Variants in LAMA3 observed in about 807,000 individuals in gnomAD.
The protein encoded by LAMA3 is laminin subunit alpha-3.
Under a neutral mutation model 402.0 loss-of-function variants are expected in LAMA3, and 281 were observed. The ratio of observed to expected loss-of-function variants is 0.70; its 90% CI spans 0.63 to 0.77. LAMA3 has a LOEUF of 0.77. LAMA3 is among the 30% of genes least tolerant of loss of function. The pLI, the probability that LAMA3 is intolerant of heterozygous loss-of-function variation, is 0.00. For missense variants in LAMA3, 3,840 were observed against 4,215.5 expected (o/e 0.91, Z 2.47); for synonymous variants, 1,431 against 1,558.4 (o/e 0.92, Z 1.93).
At chr18:23,908,721 C>G (rs1421606258) in intron 54 of LAMA3, among the ~76,000 whole-genome samples, 1 of 151,932 alleles carries the variant, frequency 6.6e-6, no homozygotes, top group Non-Finnish European at 1.5e-5. Flanking sequence ...GGTGTGTGAA[C>G]CCACAGATAG....
chr18:23,846,316 T>C lies in LAMA3; in HGVS notation c.3739T>C (p.Phe1247Leu). The change falls in exon 31 of 75, where the codon TTC becomes CTC. Residue 1247 changes from phenylalanine to leucine, a missense_variant. Transcript: ENST00000313654. Reference protein sequence around the residue: ...FYLDPQTASRFCKNSARSLVA... With the variant: ...FYLDPQTASRLCKNSARSLVA... ...CCACAGCCCCCAGACAGCCTCCAGA[T>C]TCTGTAAGAATTCCGCCAGGTCCCT... is the stretch of plus-strand genomic sequence containing the variant. 6.2e-7 allele frequency: 1 copy of C among 1,614,174 alleles called. No homozygotes were observed. Among genetic ancestry groups the C allele is most frequent in the Non-Finnish European group, 8.5e-7 (1 of 1,180,010 alleles).
At chr18:23,915,543 A>G (rs1177749243) in intron 59 of LAMA3, 121 bp downstream of exon 59, 2 of 917,520 alleles carry the variant, frequency 2.2e-6, no homozygotes, top group East Asian at 2.4e-5. Context: ...GCTTTGGGCC[A>G]GTAGTTCTTC....
At chr18:23,849,061 C>T (rs895105436) in intron 32 of LAMA3, among the ~76,000 whole-genome samples, 1 of 152,236 alleles carries the variant, frequency 6.6e-6, no homozygotes, top group Admixed American at 6.5e-5. Flanking sequence ...CCACCGTACT[C>T]TGGTATAACC....
chr18:23,807,370 G>A (rs1374426542), intron 12 of LAMA3, among the ~76,000 whole-genome samples: 1 of 152,176 alleles, frequency 6.6e-6, no homozygotes, highest in African/African-American at 2.4e-5. Context: ...ACCAAAATCT[G>A]TATTAGTCAG....
At chr18:23,863,737 A>G (rs1356946544) in intron 35 of LAMA3, among the ~76,000 whole-genome samples, 1 of 152,060 alleles carries the variant, frequency 6.6e-6, no homozygotes, top group African/African-American at 2.4e-5. Flanking sequence ...ATTTTCCTAT[A>G]GGTTATTTTG....
intron 12 of LAMA3, among the ~76,000 whole-genome samples, chr18:23,791,280 C>T (rs1158277111): frequency 6.6e-6 from 1 of 152,190 alleles, no homozygotes; most frequent in Non-Finnish European, 1.5e-5. Flanking sequence ...CTTTACATAA[C>T]TCAGAGTGTG....
chr18:23,773,644 C>A, intron 9 of LAMA3, 57 bp downstream of exon 9: 3 of 1,120,678 alleles, frequency 2.7e-6, no homozygotes, highest in South Asian at 2.6e-5. Context: ...TCAGCGAAGT[C>A]ATCAGGCTAA....
intron 12 of LAMA3, among the ~76,000 whole-genome samples, chr18:23,804,923 C>T (rs536171350): frequency 5.3e-5 from 8 of 152,290 alleles, no homozygotes; most frequent in African/African-American, 1.7e-4. Flanking sequence ...TTCCCTGAGA[C>T]CCTCACCAGA....
At position 23,903,029 on chromosome 18, in the gene LAMA3, T is replaced by C; in HGVS notation, c.6222T>C (p.Asn2074=). The C allele has an allele frequency of 6.2e-7, 1 of 1,609,088 alleles. No homozygotes were observed. The highest frequency in any genetic ancestry group is 1.1e-5 in the South Asian group (1 of 90,988). ...GAIQRQVKEI[N]SLQSDFTKYL... Reference sequence around the variant, plus strand: ...TCCAGAGACAAGTGAAAGAAATAAATTCCCTGCAGAGTGATTTCACCAAGT... The same window carrying C: ...TCCAGAGACAAGTGAAAGAAATAAACTCCCTGCAGAGTGATTTCACCAAGT... Residue 2074 remains asparagine (N), a synonymous_variant, in exon 49 of 75, where the codon AAT becomes AAC. Transcript: ENST00000313654.
chr18:23,749,444 T>C lies in LAMA3; in HGVS notation c.582T>C (p.Cys194=). ...TCCTTCTAGATTCTAAAGTAGACTG[T>C]TTAAAAGAATTTGGGCGGGAGGCAA... ...WQYFAHSKVD[C]LKEFGREANM... The change falls in exon 4 of 75, where the codon TGT becomes TGC. Residue 194 remains cysteine (C), a synonymous_variant. Coordinates refer to ENST00000313654, the MANE Select transcript of LAMA3 (RefSeq NM_198129.4). 6.3e-7 allele frequency: 1 copy of C among 1,594,550 alleles called. No homozygotes were observed. The highest frequency in any genetic ancestry group is 8.6e-7 in the Non-Finnish European group (1 of 1,162,756).
At chr18:23,713,267 GC>G (rs997518270) in intron 1 of LAMA3, among the ~76,000 whole-genome samples, 3 of 152,190 alleles carry the variant, frequency 2.0e-5, no homozygotes, top group African/African-American at 7.2e-5. Context: ...AACAAGACCA[GC>G]CGGCCCCTGT....
chr18:23,704,061 A>AT (rs2060840409), intron 1 of LAMA3, among the ~76,000 whole-genome samples: 1 of 152,198 alleles, frequency 6.6e-6, no homozygotes, highest in African/African-American at 2.4e-5. Flanking sequence ...TTAGTGAGTG[A>AT]TGGCTATAGG....
chr18:23,883,744 G>A (rs1041068159), intron 40 of LAMA3, among the ~76,000 whole-genome samples: 1 of 152,228 alleles, frequency 6.6e-6, no homozygotes, highest in African/African-American at 2.4e-5. Flanking sequence ...AGAAAGCAGC[G>A]AGATTTCCAC....
At chr18:23,762,143 A>G (rs2061981760) in intron 7 of LAMA3, among the ~76,000 whole-genome samples, 1 of 151,186 alleles carries the variant, frequency 6.6e-6, no homozygotes, top group South Asian at 2.1e-4. Flanking sequence ...TTGAGCCCAC[A>G]TAGTTGAGAC....
chr18:23,924,517 A>G (rs983971810), intron 62 of LAMA3, among the ~76,000 whole-genome samples: 5 of 149,534 alleles, frequency 3.3e-5, no homozygotes, highest in African/African-American at 1.2e-4. Context: ...TTTCTGGGCA[A>G]GTTTTATACT....
At chr18:23,893,593 C>CA (rs936163291) in intron 42 of LAMA3, among the ~76,000 whole-genome samples, 5 of 150,898 alleles carry the variant, frequency 3.3e-5, no homozygotes, top group African/African-American at 7.3e-5. Context: ...CCCCACCGGC[C>CA]AAAAAAAACA....
intron 8 of LAMA3, among the ~76,000 whole-genome samples, chr18:23,768,659 A>G (rs1213759067): frequency 6.6e-6 from 1 of 152,220 alleles, no homozygotes; most frequent in Non-Finnish European, 1.5e-5. Context: ...AAAGAAATAA[A>G]TTATTTCATC....
At chr18:23,892,312 T>G (rs1379417371) in intron 42 of LAMA3, among the ~76,000 whole-genome samples, 1 of 152,100 alleles carries the variant, frequency 6.6e-6, no homozygotes, top group Non-Finnish European at 1.5e-5. Flanking sequence ...AACTATTTGT[T>G]CCCAAAATGG....
chr18:23,944,133 C>T (rs1362058033), intron 69 of LAMA3, among the ~76,000 whole-genome samples, 162 bp downstream of exon 69: 1 of 152,102 alleles, frequency 6.6e-6, no homozygotes, highest in Non-Finnish European at 1.5e-5. Context: ...TACTGGAGGC[C>T]GCGGCACACA....
Sources: gnomAD v4.1 joint callset for allele counts (sites outside exome capture counted in the v4.1 genomes callset) on GRCh38, gnomAD v4.1.1 for gene constraint, MANE v1.5 for transcripts, NCBI Gene and HGNC (gene_info 2026-07-23, HGNC 2026-07-21) for gene names.